The following ME3 variants were observed in gnomAD, a reference collection of about 807,000 sequenced individuals.
The protein encoded by ME3 is malic enzyme 3.
ME3 carries 48 observed loss-of-function variants against 68.9 expected under a neutral mutation model. The observed-to-expected ratio is 0.70, with a 90% CI of 0.55 to 0.89. The LOEUF (loss-of-function observed/expected upper bound fraction) is 0.89. ME3 is among the 40% of genes least tolerant of loss of function. The probability of loss-of-function intolerance (pLI) is 0.00; values close to 1 mark genes in which losing one functional copy is unlikely to be tolerated. For missense variants in ME3, 675 were observed against 797.4 expected, an observed-to-expected ratio of 0.85 and a Z score of 1.85; for synonymous variants, 320 against 318.8, an observed-to-expected ratio of 1.00 and a Z score of -0.04.
chr11:86,613,731 G>A (rs1483535261), intron 2 of ME3, among the ~76,000 whole-genome samples: 1 of 152,064 alleles, frequency 6.6e-6, no homozygotes, highest in Non-Finnish European at 1.5e-5. Flanking sequence ...GCTACAAAGA[G>A]AATAAAATAC....
chr11:86,479,588 A>C (rs1440268628), intron 7 of ME3, among the ~76,000 whole-genome samples: 3 of 152,052 alleles, frequency 2.0e-5, no homozygotes, highest in Non-Finnish European at 4.4e-5. Flanking sequence ...TGTACCTTCT[A>C]TATGGAACAT....
At chr11:86,494,985 G>A (rs1952230571) in intron 6 of ME3, among the ~76,000 whole-genome samples, 1 of 152,158 alleles carries the variant, frequency 6.6e-6, no homozygotes, top group Non-Finnish European at 1.5e-5. Context: ...CATTGTGGGA[G>A]AAATACCATT....
chr11:86,616,097 G>C (rs1199064161), intron 2 of ME3, among the ~76,000 whole-genome samples: 3 of 152,084 alleles, frequency 2.0e-5, no homozygotes, highest in African/African-American at 7.2e-5. Context: ...GTTATATCCT[G>C]CTTTTCCAGT....
intron 7 of ME3, among the ~76,000 whole-genome samples, chr11:86,481,768 T>C (rs1316765354): frequency 6.6e-6 from 1 of 152,166 alleles, no homozygotes; most frequent in Non-Finnish European, 1.5e-5. Flanking sequence ...TTGTGGGAGT[T>C]GCAGGATCAG....
intron 4 of ME3, among the ~76,000 whole-genome samples, chr11:86,527,259 G>T (rs1179418078): frequency 1.3e-5 from 2 of 152,174 alleles, no homozygotes; most frequent in Admixed American, 1.3e-4. Context: ...GGAAGAAAGG[G>T]TATCAGTGAT....
chr11:86,629,525 C>T (rs545010528), intron 2 of ME3, among the ~76,000 whole-genome samples: 2 of 152,280 alleles, frequency 1.3e-5, no homozygotes, highest in South Asian at 4.1e-4. Context: ...GTTACAACTC[C>T]CTTCATCACT....
chr11:86,508,864 T>C, exon 5 of ME3: 1 of 1,612,366 alleles, frequency 6.2e-7, no homozygotes, highest in Non-Finnish European at 8.5e-7. Flanking sequence ...TGATGAACAG[T>C]CCACTAAAAG....
chr11:86,620,968 T>C (rs1943310464), intron 2 of ME3, among the ~76,000 whole-genome samples: 1 of 152,184 alleles, frequency 6.6e-6, no homozygotes, highest in Middle Eastern at 3.4e-3. Flanking sequence ...TTGTGGTTGG[T>C]TAAGTAATAC....
At chr11:86,464,321 G>T (rs1352331282) in intron 8 of ME3, among the ~76,000 whole-genome samples, 1 of 152,226 alleles carries the variant, frequency 6.6e-6, no homozygotes, top group Non-Finnish European at 1.5e-5. Context: ...GCTCCTTCCT[G>T]TGCACTTCTA....
rs201954196 is a variant in ME3, at chr11:86,531,100, C to T, written c.468-22233G>A. Among the ~76,000 whole-genome samples, 25 of 152,312 alleles carry T rather than the reference C, an allele frequency of 1.6e-4. No homozygotes were observed. In the East Asian group the frequency reaches 4.8e-3, roughly 29 times the overall value. On this transcript the variant is annotated intron_variant, in intron 4 of 14. Coordinates refer to ENST00000543262, the Ensembl canonical transcript of ME3. Reference sequence around the variant, plus strand: ...GAGAAAATTTTTGCATTCTACTCATCTGACAAAGGGCTAATATCCAGAATC... The same window carrying T: ...GAGAAAATTTTTGCATTCTACTCATTTGACAAAGGGCTAATATCCAGAATC...
intron 4 of ME3, among the ~76,000 whole-genome samples, chr11:86,527,221 C>G (rs533310807): frequency 1.3e-5 from 2 of 152,110 alleles, no homozygotes; most frequent in Non-Finnish European, 2.9e-5. Context: ...GACGAATGCA[C>G]AAGCCTCAGT....
At chr11:86,584,542 A>G (rs1958624593) in intron 2 of ME3, among the ~76,000 whole-genome samples, 1 of 152,256 alleles carries the variant, frequency 6.6e-6, no homozygotes, top group East Asian at 1.9e-4. Context: ...TGTAGAAAGG[A>G]TCTAAATGTC....
intron 2 of ME3, among the ~76,000 whole-genome samples, chr11:86,655,747 T>C (rs1945821133): frequency 6.6e-6 from 1 of 151,610 alleles, no homozygotes; most frequent in Admixed American, 6.6e-5. Flanking sequence ...AATTGACAAA[T>C]GGAATCTAAT....
chr11:86,645,481 T>C (rs1406021181), intron 2 of ME3, among the ~76,000 whole-genome samples: 2 of 152,146 alleles, frequency 1.3e-5, no homozygotes, highest in East Asian at 1.9e-4. Flanking sequence ...CTGCAGCTCG[T>C]TGTAGCCAGA....
At position 86,516,498 on chromosome 11, in the gene ME3, C is replaced by T. The variant is rs1953915973; in HGVS notation, c.468-7631G>A. 2.6e-5 allele frequency among the ~76,000 whole-genome samples: 4 copies of T among 152,254 alleles called. No homozygotes were observed. The South Asian group carries it at 8.3e-4, about 32-fold the overall frequency. On this transcript the variant is annotated intron_variant, in intron 4 of 14. Transcript: ENST00000543262. Reference sequence around the variant, plus strand: ...TGCCTCCCAGATTCAAGTGATTCTCCTGCCTCAGCTCCCCAAGTAGCTGGG... The same window carrying T: ...TGCCTCCCAGATTCAAGTGATTCTCTTGCCTCAGCTCCCCAAGTAGCTGGG...
chr11:86,656,739 A>G (rs1383847431), intron 2 of ME3, among the ~76,000 whole-genome samples: 4 of 152,104 alleles, frequency 2.6e-5, no homozygotes, highest in Non-Finnish European at 5.9e-5. Flanking sequence ...CCTAAAACTT[A>G]AAGTATAATA....
At chr11:86,664,313 T>C (rs1374569746) in intron 2 of ME3, among the ~76,000 whole-genome samples, 2 of 152,204 alleles carry the variant, frequency 1.3e-5, no homozygotes, top group African/African-American at 4.8e-5. Flanking sequence ...CTTTTTACAA[T>C]AACATTCATG....
At chr11:86,493,421 C>T (rs745823985) in intron 6 of ME3, among the ~76,000 whole-genome samples, 14 of 152,222 alleles carry the variant, frequency 9.2e-5, no homozygotes, top group Non-Finnish European at 2.1e-4. Flanking sequence ...CCGGGATTCC[C>T]CCACCCTGCC....
Position 86,655,142 on chromosome 11 carries a change from G to T in ME3, c.183+16620C>A, listed in dbSNP as rs562819824. The stretch of plus-strand genomic sequence containing the variant: ...AAGATTCTATGCTCATGGGCAGGAA[G>T]AATCAATATCGTGAAAATGGCCACA... On this transcript the variant is annotated intron_variant, in intron 2 of 14. Transcript: ENST00000543262. Among the ~76,000 whole-genome samples the T allele has an allele frequency of 2.6e-5, 4 of 152,330 alleles. No individual in the cohort carries two copies. The East Asian group carries it at 7.7e-4, about 29-fold the overall frequency.
Sources: allele counts gnomAD v4.1 joint callset (sites outside exome capture counted in the v4.1 genomes callset), GRCh38; gene constraint gnomAD v4.1.1; transcripts MANE v1.5; gene names NCBI Gene and HGNC (gene_info 2026-07-23, HGNC 2026-07-21).